GRM3: variants seen among roughly 807,000 people sequenced by gnomAD.
GRM3 encodes the protein glutamate metabotropic receptor 3.
Under a neutral mutation model 70.5 loss-of-function variants are expected in GRM3, and 26 were observed. The ratio of observed to expected loss-of-function variants is 0.37; its 90% confidence interval spans 0.27 to 0.51. GRM3 has a LOEUF of 0.51. Among genes scored for constraint, GRM3 ranks in the 20% least tolerant of loss-of-function variants. The pLI is 0.93. For missense variants in GRM3, 859 were observed against 1,123.8 expected, an observed-to-expected ratio of 0.76 and a Z score of 3.37; for synonymous variants, 443 against 434.9, an observed-to-expected ratio of 1.02 and a Z score of -0.23.
rs186949190 is a variant in GRM3, at chr7:86,844,919, C to T, written c.2391+5014C>T. On this transcript the variant is annotated intron_variant, in intron 4 of 5. Transcript: ENST00000361669. ...CTTTTTTTTTTCTTAGATGGAGTTT[C>T]GCTCTTGTCACCCAGGCTAGAGGGC... Among the ~76,000 whole-genome samples, 571 of 151,940 alleles carry T rather than the reference C, an allele frequency of 3.8e-3. 9 individuals carry two copies. The highest frequency in any genetic ancestry group is 0.013 in the African/African-American group (540 of 41,426).
chr7:86,781,131 T>C (rs953677666), intron 2 of GRM3, among the ~76,000 whole-genome samples: 1 of 152,038 alleles, frequency 6.6e-6, no homozygotes, highest in Non-Finnish European at 1.5e-5. Context: ...ATCATAAGAA[T>C]GCCCTGAGGA....
At chr7:86,670,529 T>C (rs750274106) in intron 1 of GRM3, among the ~76,000 whole-genome samples, 1 of 152,220 alleles carries the variant, frequency 6.6e-6, no homozygotes, top group Non-Finnish European at 1.5e-5. Flanking sequence ...TCCAATTGGT[T>C]CCATTTCCAA....
intron 2 of GRM3, among the ~76,000 whole-genome samples, chr7:86,770,243 G>A (rs1405680991): frequency 6.6e-6 from 1 of 152,070 alleles, no homozygotes; most frequent in African/African-American, 2.4e-5. Flanking sequence ...TTGTCCCTGA[G>A]TGTTAAAGCG....
chr7:86,685,906 C>CAAAA (rs71117516), intron 1 of GRM3, among the ~76,000 whole-genome samples: 24 of 74,374 alleles, frequency 3.2e-4, no homozygotes, highest in African/African-American at 1.0e-3. Context: ...ACTCTGTCTC[C>CAAAA]AAAAAAAAAA....
chr7:86,767,062 A>G (rs1333075204), intron 2 of GRM3, among the ~76,000 whole-genome samples: 1 of 151,924 alleles, frequency 6.6e-6, no homozygotes, highest in Non-Finnish European at 1.5e-5. Context: ...AATACAAAAC[A>G]TTAGCAGGGC....
intron 3 of GRM3, among the ~76,000 whole-genome samples, chr7:86,805,243 T>C (rs1435379840): frequency 6.6e-6 from 1 of 152,218 alleles, no homozygotes; most frequent in Non-Finnish European, 1.5e-5. Flanking sequence ...GTTCAATATA[T>C]ATTATAGACC....
chr7:86,808,612 G>A (rs981307052), intron 3 of GRM3, among the ~76,000 whole-genome samples: 1 of 151,962 alleles, frequency 6.6e-6, no homozygotes, highest in Non-Finnish European at 1.5e-5. Context: ...GTGTGTGTTT[G>A]TGTTTGTATG....
chr7:86,788,627 T>A (rs1797329602), intron 3 of GRM3, among the ~76,000 whole-genome samples: 2 of 152,338 alleles, frequency 1.3e-5, no homozygotes, highest in East Asian at 3.9e-4. Context: ...CCCAGGTTAG[T>A]TCCTGTTGAC....
intron 1 of GRM3, among the ~76,000 whole-genome samples, chr7:86,746,631 T>A (rs1443892317): frequency 1.3e-5 from 2 of 151,918 alleles, no homozygotes; most frequent in Non-Finnish European, 2.9e-5. Flanking sequence ...ATCACCTCTG[T>A]CTCACCTTTT....
chr7:86,790,784 A>G (rs1486690068), intron 3 of GRM3, among the ~76,000 whole-genome samples: 1 of 151,692 alleles, frequency 6.6e-6, no homozygotes, highest in Non-Finnish European at 1.5e-5. Flanking sequence ...TCCATTCCCT[A>G]CTTCTTTCAA....
At chr7:86,679,166 T>C (rs139904460) in intron 1 of GRM3, among the ~76,000 whole-genome samples, 2 of 152,076 alleles carry the variant, frequency 1.3e-5, no homozygotes, top group African/African-American at 4.8e-5. Flanking sequence ...ATCTTATTAG[T>C]GATCAGGATA....
chr7:86,744,521 G>A (rs1254145089), intron 1 of GRM3, among the ~76,000 whole-genome samples: 2 of 151,674 alleles, frequency 1.3e-5, no homozygotes, highest in Non-Finnish European at 2.9e-5. Flanking sequence ...TTCCAAGGCA[G>A]GAGTAGCAAA....
intron 5 of GRM3, among the ~76,000 whole-genome samples, chr7:86,855,259 A>T (rs529825464): frequency 4.5e-4 from 69 of 152,302 alleles, no homozygotes; most frequent in Admixed American, 3.1e-3. Context: ...GGAAGTACAC[A>T]TGAAGTTACA....
At chr7:86,845,219 G>C (rs1024195941) in intron 4 of GRM3, among the ~76,000 whole-genome samples, 2 of 152,134 alleles carry the variant, frequency 1.3e-5, no homozygotes, top group African/African-American at 4.8e-5. Context: ...GCAACGCAGA[G>C]TGGGCTAGGA....
At chr7:86,788,684 A>G (rs1797331179) in intron 3 of GRM3, among the ~76,000 whole-genome samples, 1 of 152,244 alleles carries the variant, frequency 6.6e-6, no homozygotes. Context: ...AAAAAAGAAT[A>G]TCTTTACTCT....
chr7:86,689,547 A>T (rs1794649344), intron 1 of GRM3, among the ~76,000 whole-genome samples: 1 of 152,136 alleles, frequency 6.6e-6, no homozygotes, highest in Non-Finnish European at 1.5e-5. Flanking sequence ...GTTTTGAAGC[A>T]TAATAATTCT....
intron 3 of GRM3, among the ~76,000 whole-genome samples, chr7:86,836,780 A>T (rs1176148992): frequency 1.3e-5 from 2 of 152,222 alleles, no homozygotes; most frequent in Admixed American, 1.3e-4. Flanking sequence ...TTAACATGTT[A>T]TATGATTTAT....
At chr7:86,792,359 T>C (rs1002033763) in intron 3 of GRM3, among the ~76,000 whole-genome samples, 2 of 152,170 alleles carry the variant, frequency 1.3e-5, no homozygotes, top group African/African-American at 4.8e-5. Flanking sequence ...AACTGGAGTA[T>C]ACCCAATTTG....
At chr7:86,725,250 C>T (rs1795564483) in intron 1 of GRM3, among the ~76,000 whole-genome samples, 1 of 152,088 alleles carries the variant, frequency 6.6e-6, no homozygotes, top group Non-Finnish European at 1.5e-5. Flanking sequence ...ACATAAAAGC[C>T]TAAGCACAGT....
Sources: allele counts gnomAD v4.1 joint callset (sites outside exome capture counted in the v4.1 genomes callset), GRCh38; gene constraint gnomAD v4.1.1; transcripts MANE v1.5; gene names NCBI Gene and HGNC (gene_info 2026-07-23, HGNC 2026-07-21).